SETBP1: variants seen among roughly 807,000 people sequenced by gnomAD.
SETBP1 encodes the protein SET-binding protein.
In SETBP1, 9 loss-of-function variants were observed where a neutral mutation model predicts 101.0. That is an observed-to-expected ratio of 0.09 (90% CI 0.05 to 0.16). SETBP1 has a LOEUF of 0.16. SETBP1 is among the 10% of genes least tolerant of loss of function. SETBP1 has a pLI of 1.00. For missense variants in SETBP1, 1,858 were observed against 2,033.8 expected (o/e 0.91, Z 1.66); for synonymous variants, 818 against 788.5 (o/e 1.04, Z -0.63).
chr18:44,680,448 C>T (rs575130161), upstream of SETBP1: 75 of 152,034 alleles, frequency 4.9e-4, no homozygotes, highest in African/African-American at 1.6e-3. Flanking sequence ...AGCCTCCCTC[C>T]GCGCCGCGGG....
chr18:44,927,202 C>T (rs933402110), intron 3 of SETBP1, among the ~76,000 whole-genome samples: 1 of 152,118 alleles, frequency 6.6e-6, no homozygotes, highest in Non-Finnish European at 1.5e-5. Flanking sequence ...ATAGTGCCAC[C>T]GAATGTATAT....
In SETBP1 at chr18:45,064,731, GA is replaced by G. The variant is rs1439103553; in HGVS notation, c.*1034del. 1 of 146,332 alleles carries G rather than the reference GA, an allele frequency of 6.8e-6. No individual in the cohort carries two copies. Among genetic ancestry groups the G allele is most frequent in the African/African-American group, 2.5e-5 (1 of 39,314 alleles). The allele number at this position is 146,332 out of a possible 1,614,324, so 9.1% of individuals were successfully genotyped here. A position where few individuals can be genotyped will look rare whatever the true frequency, so the allele number is the denominator to read the frequency against. ...CAAACCACCAAAAACTGAAACCCCAGACCCACCAGAAAGACAAGTGTCTAGC... is the reference window on the plus strand; with the variant it reads ...CAAACCACCAAAAACTGAAACCCCAGCCCACCAGAAAGACAAGTGTCTAGC... On this transcript the variant is annotated 3_prime_UTR_variant, in exon 6 of 6. Transcript: ENST00000649279.
intron 5 of SETBP1, among the ~76,000 whole-genome samples, chr18:45,045,009 T>A (rs1479080362): frequency 2.0e-5 from 3 of 152,112 alleles, no homozygotes; most frequent in Non-Finnish European, 4.4e-5. Flanking sequence ...ATTGGCCAGG[T>A]GCGGTGGCTT....
intron 3 of SETBP1, among the ~76,000 whole-genome samples, chr18:44,900,446 T>C (rs2070016538): frequency 6.6e-6 from 1 of 152,218 alleles, no homozygotes; most frequent in Non-Finnish European, 1.5e-5. Flanking sequence ...CTCAAAGCTT[T>C]TCTGCTTTTC....
At chr18:44,714,600 C>T (rs906240166) in intron 2 of SETBP1, among the ~76,000 whole-genome samples, 4 of 151,592 alleles carry the variant, frequency 2.6e-5, no homozygotes, top group Non-Finnish European at 4.4e-5. Flanking sequence ...TTGTGTCTCT[C>T]GGGGTGTGTG....
At chr18:44,881,690 T>C (rs1235745087) in intron 3 of SETBP1, among the ~76,000 whole-genome samples, 1 of 152,176 alleles carries the variant, frequency 6.6e-6, no homozygotes, top group Non-Finnish European at 1.5e-5. Flanking sequence ...GAGCTCTGAA[T>C]GTCCTTCGCT....
intron 3 of SETBP1, among the ~76,000 whole-genome samples, chr18:44,904,337 G>A (rs1227553721): frequency 2.0e-5 from 3 of 152,034 alleles, no homozygotes; most frequent in Admixed American, 6.6e-5. Context: ...TCTATGCCTG[G>A]GAGTGAGTGC....
intron 3 of SETBP1, among the ~76,000 whole-genome samples, chr18:44,931,954 TG>T (rs1235402477): frequency 6.6e-6 from 1 of 152,194 alleles, no homozygotes; most frequent in Non-Finnish European, 1.5e-5. Flanking sequence ...AGGTTAATAT[TG>T]TTATGTGTGA....
At chr18:44,918,557 G>C (rs1040524055) in intron 3 of SETBP1, among the ~76,000 whole-genome samples, 10 of 152,214 alleles carry the variant, frequency 6.6e-5, no homozygotes, top group African/African-American at 2.2e-4. Flanking sequence ...GAGATGTTGA[G>C]GCAGAGATGG....
At chr18:44,721,410 A>G (rs766305989) in intron 2 of SETBP1, among the ~76,000 whole-genome samples, 2 of 152,154 alleles carry the variant, frequency 1.3e-5, no homozygotes, top group Non-Finnish European at 1.5e-5. Context: ...TACTTTCTGT[A>G]TATGAGGCCA....
At chr18:45,051,913 T>C (rs1397936099) in intron 5 of SETBP1, among the ~76,000 whole-genome samples, 1 of 152,238 alleles carries the variant, frequency 6.6e-6, no homozygotes. Flanking sequence ...AGCTGAAATA[T>C]GTGAGGACCT....
At chr18:44,690,953 C>CT (rs954318955) in intron 1 of SETBP1, among the ~76,000 whole-genome samples, 3 of 152,002 alleles carry the variant, frequency 2.0e-5, no homozygotes, top group Admixed American at 6.6e-5. Flanking sequence ...TATTATTTAC[C>CT]TTTTTTTCCT....
chr18:44,849,577 G>T (rs986605716), intron 2 of SETBP1, among the ~76,000 whole-genome samples: 5 of 152,290 alleles, frequency 3.3e-5, no homozygotes, highest in African/African-American at 1.2e-4. Context: ...TGTTCATGCT[G>T]CATGGCAGTA....
chr18:44,781,903 C>G (rs1049897689), intron 2 of SETBP1, among the ~76,000 whole-genome samples: 1 of 152,198 alleles, frequency 6.6e-6, no homozygotes, highest in Non-Finnish European at 1.5e-5. Context: ...GATTCTATGA[C>G]TTAAGGGACT....
intron 2 of SETBP1, among the ~76,000 whole-genome samples, chr18:44,865,353 C>T (rs180763990): frequency 2.4e-4 from 37 of 152,280 alleles, no homozygotes; most frequent in Admixed American, 6.5e-5. Context: ...GCACAGTGCA[C>T]GCCCTTTGTC....
intron 3 of SETBP1, among the ~76,000 whole-genome samples, chr18:44,949,268 T>C (rs2071280446): frequency 1.3e-5 from 2 of 152,220 alleles, no homozygotes; most frequent in South Asian, 4.1e-4. Flanking sequence ...CCTGGGCTGT[T>C]TTTACTGGTT....
intron 2 of SETBP1, among the ~76,000 whole-genome samples, chr18:44,795,208 AAAT>A (rs1430745281): frequency 7.9e-5 from 12 of 152,176 alleles, no homozygotes; most frequent in Non-Finnish European, 1.3e-4. Flanking sequence ...CTTTTTCTTG[AAAT>A]ACCATGACTT....
At chr18:44,703,997 C>T (rs1237783164) in intron 2 of SETBP1, among the ~76,000 whole-genome samples, 2 of 152,152 alleles carry the variant, frequency 1.3e-5, no homozygotes, top group Admixed American at 1.3e-4. Context: ...CCCTTTGTCT[C>T]CATCACCTTC....
chr18:44,786,444 A>G (rs1250473561), intron 2 of SETBP1, among the ~76,000 whole-genome samples: 2 of 152,212 alleles, frequency 1.3e-5, no homozygotes, highest in Non-Finnish European at 2.9e-5. Context: ...TATGCCACCT[A>G]ATTATGGAAC....
Sources: allele counts gnomAD v4.1 joint callset (sites outside exome capture counted in the v4.1 genomes callset), GRCh38; gene constraint gnomAD v4.1.1; transcripts MANE v1.5; gene names NCBI Gene and HGNC (gene_info 2026-07-23, HGNC 2026-07-21).